The following PTPRD variants were observed in gnomAD, a reference collection of about 807,000 sequenced individuals.
PTPRD encodes the protein protein tyrosine phosphatase receptor type D.
PTPRD carries 34 observed loss-of-function variants against 214.5 expected under a neutral mutation model. The observed-to-expected ratio is 0.16, with a 90% CI of 0.12 to 0.21. The LOEUF is 0.21. Ranked by LOEUF, PTPRD falls within the 10% of genes least tolerant of loss-of-function variation. The pLI, the probability that PTPRD is intolerant of heterozygous loss-of-function variation, is 1.00. For missense variants in PTPRD, 2,545 were observed against 2,398.7 expected, an observed-to-expected ratio of 1.06 and a Z score of -1.27; for synonymous variants, 1,128 against 845.7, an observed-to-expected ratio of 1.33 and a Z score of -5.79.
chr9:8,516,546 T>C (rs2097783754), intron 21 of PTPRD, among the ~76,000 whole-genome samples: 2 of 152,250 alleles, frequency 1.3e-5, no homozygotes, highest in Middle Eastern at 3.4e-3. Flanking sequence ...AGTCAGTGAT[T>C]CACAGGTATC....
intron 39 of PTPRD, among the ~76,000 whole-genome samples, chr9:8,350,811 T>C (rs2075246712): frequency 6.6e-6 from 1 of 152,188 alleles, no homozygotes; most frequent in East Asian, 1.9e-4. Context: ...CAAATTGTCA[T>C]TGATACGCAG....
At chr9:10,574,994 C>G (rs1307940729) in intron 2 of PTPRD, among the ~76,000 whole-genome samples, 2 of 151,390 alleles carry the variant, frequency 1.3e-5, no homozygotes, top group Non-Finnish European at 3.0e-5. Flanking sequence ...AAAAAATCAA[C>G]AAAGAAAAAA....
At chr9:10,142,432 AAAAC>A (rs1164619958) in intron 3 of PTPRD, among the ~76,000 whole-genome samples, 1 of 152,060 alleles carries the variant, frequency 6.6e-6, no homozygotes, top group Non-Finnish European at 1.5e-5. Context: ...TTACGAGAAA[AAAAC>A]AAACAACTCC....
At chr9:8,500,096 T>G (rs1274948211) in intron 24 of PTPRD, among the ~76,000 whole-genome samples, 1 of 112,582 alleles carries the variant, frequency 8.9e-6, no homozygotes, top group Non-Finnish European at 1.9e-5. Context: ...ATCAGAGAAA[T>G]AGAAAAACAT....
chr9:9,388,957 A>C (rs2064862180), intron 9 of PTPRD, among the ~76,000 whole-genome samples: 1 of 152,284 alleles, frequency 6.6e-6, no homozygotes, highest in East Asian at 1.9e-4. Context: ...CTGAACAATA[A>C]ATCAGTGTGG....
At chr9:9,615,781 G>A (rs1212030462) in intron 7 of PTPRD, among the ~76,000 whole-genome samples, 1 of 152,086 alleles carries the variant, frequency 6.6e-6, no homozygotes. Context: ...ATCTTATAAA[G>A]TGAGTATTAT....
chr9:10,070,144 T>G (rs561684330), intron 3 of PTPRD, among the ~76,000 whole-genome samples: 1 of 152,066 alleles, frequency 6.6e-6, no homozygotes, highest in Non-Finnish European at 1.5e-5. Context: ...TATGGGCCAG[T>G]TGGGCACAGA....
intron 3 of PTPRD, among the ~76,000 whole-genome samples, chr9:10,059,377 C>T (rs2097715271): frequency 1.3e-5 from 2 of 152,088 alleles, no homozygotes; most frequent in African/African-American, 4.8e-5. Context: ...TCCTGGGAGG[C>T]CACAGTCACA....
At chr9:9,129,992 T>G (rs1294610769) in intron 10 of PTPRD, among the ~76,000 whole-genome samples, 2 of 152,180 alleles carry the variant, frequency 1.3e-5, no homozygotes, top group Non-Finnish European at 2.9e-5. Flanking sequence ...TTAAGATATA[T>G]TAAGCACTTA....
intron 3 of PTPRD, among the ~76,000 whole-genome samples, chr9:10,264,608 G>C (rs1280279108): frequency 6.6e-6 from 1 of 152,120 alleles, no homozygotes; most frequent in Non-Finnish European, 1.5e-5. Context: ...TAGCTAACTT[G>C]CTTTTGATTT....
chr9:9,002,160 T>C (rs893200487), intron 11 of PTPRD, among the ~76,000 whole-genome samples: 1 of 151,966 alleles, frequency 6.6e-6, no homozygotes, highest in African/African-American at 2.4e-5. Flanking sequence ...CCATATATTA[T>C]CTAGAAGATA....
chr9:9,118,028 C>A (rs1264961246), intron 10 of PTPRD, among the ~76,000 whole-genome samples: 1 of 152,114 alleles, frequency 6.6e-6, no homozygotes, highest in Non-Finnish European at 1.5e-5. Flanking sequence ...AGTGAGGGAC[C>A]TGAAGCACAA....
At chr9:8,837,618 T>A (rs2097460874) in intron 11 of PTPRD, among the ~76,000 whole-genome samples, 1 of 152,148 alleles carries the variant, frequency 6.6e-6, no homozygotes, top group African/African-American at 2.4e-5. Flanking sequence ...CACCTTAGCC[T>A]CTCAAGTAGC....
Position 9,349,126 on chromosome 9 carries a change from T to C in PTPRD, c.-203+48323A>G, listed in dbSNP as rs543755683. 1.2e-4 allele frequency among the ~76,000 whole-genome samples: 18 copies of C among 152,174 alleles called. No homozygotes were observed. The East Asian group carries it at 1.4e-3, about 11-fold the overall frequency. Reference sequence around the variant, plus strand: ...CAGTAGGTCAGTGGGGATGGAAATATGTTTAAGAAAAAATAATTCACTCGA... The same window carrying C: ...CAGTAGGTCAGTGGGGATGGAAATACGTTTAAGAAAAAATAATTCACTCGA... On this transcript the variant is annotated intron_variant, in intron 9 of 45. Coordinates refer to ENST00000381196, the MANE Select transcript of PTPRD (RefSeq NM_002839.4).
At chr9:9,689,467 A>G (rs930941979) in intron 7 of PTPRD, among the ~76,000 whole-genome samples, 1 of 151,806 alleles carries the variant, frequency 6.6e-6, no homozygotes, top group Non-Finnish European at 1.5e-5. Flanking sequence ...GATCTTAAAT[A>G]TTTATCTTTT....
intron 30 of PTPRD, among the ~76,000 whole-genome samples, chr9:8,482,294 T>G (rs2096904190): frequency 6.6e-6 from 1 of 152,148 alleles, no homozygotes; most frequent in South Asian, 2.1e-4. Flanking sequence ...TAATGTATGC[T>G]GTACTACTAC....
At chr9:10,172,408 A>T (rs965588484) in intron 3 of PTPRD, among the ~76,000 whole-genome samples, 1 of 152,244 alleles carries the variant, frequency 6.6e-6, no homozygotes, top group Non-Finnish European at 1.5e-5. Context: ...TTATATTATT[A>T]ATAATACAAA....
At chr9:8,917,704 A>AAACC (rs1566987673) in intron 11 of PTPRD, among the ~76,000 whole-genome samples, 1 of 152,174 alleles carries the variant, frequency 6.6e-6, no homozygotes, top group Non-Finnish European at 1.5e-5. Context: ...ATAAACAAAC[A>AAACC]ATCCTAGCAG....
At chr9:9,065,021 A>G in intron 10 of PTPRD, among the ~76,000 whole-genome samples, 1 of 152,208 alleles carries the variant, frequency 6.6e-6, no homozygotes, top group Admixed American at 6.5e-5. Flanking sequence ...CTTTTGGCTG[A>G]AGAATTCATC....
Sources: gnomAD v4.1 joint callset for allele counts (sites outside exome capture counted in the v4.1 genomes callset) on GRCh38, gnomAD v4.1.1 for gene constraint, MANE v1.5 for transcripts, NCBI Gene and HGNC (gene_info 2026-07-23, HGNC 2026-07-21) for gene names.